The following EYA2 variants were observed in gnomAD, a reference collection of about 807,000 sequenced individuals.
EYA2 encodes the protein EYA transcriptional coactivator and phosphatase 2, also known as protein phosphatase EYA2.
A neutral mutation model predicts 69.2 loss-of-function variants in EYA2; 31 were observed. That is an observed-to-expected ratio of 0.45 (90% CI 0.34 to 0.60). The LOEUF is 0.60. EYA2 is among the 20% of genes least tolerant of loss of function. EYA2 has a pLI of 0.02. For missense variants in EYA2, 622 were observed against 701.2 expected, an observed-to-expected ratio of 0.89 and a Z score of 1.28; for synonymous variants, 257 against 279.4, an observed-to-expected ratio of 0.92 and a Z score of 0.80.
intron 3 of EYA2, 38 bp downstream of exon 3, chr20:47,001,511 C>T (rs762166875): frequency 1.3e-5 from 21 of 1,606,448 alleles, no homozygotes; most frequent in Non-Finnish European, 1.7e-5. Flanking sequence ...CACATGCCCA[C>T]CTTTTCTTCT....
intron 4 of EYA2, among the ~76,000 whole-genome samples, chr20:47,011,970 G>C (rs1187795365): frequency 2.0e-5 from 3 of 152,106 alleles, no homozygotes; most frequent in Non-Finnish European, 4.4e-5. Context: ...TACCCAAAAA[G>C]TATTTTGTAT....
intron 8 of EYA2, chr20:47,096,173 A>G (rs751468181): frequency 9.9e-5 from 15 of 152,230 alleles, no homozygotes; most frequent in African/African-American, 3.4e-4. Flanking sequence ...AATACATACA[A>G]TGGTAGGGGC....
At chr20:46,899,011 C>T (rs1983958186) in intron 1 of EYA2, among the ~76,000 whole-genome samples, 1 of 152,122 alleles carries the variant, frequency 6.6e-6, no homozygotes, top group South Asian at 2.1e-4. Flanking sequence ...AACTGGTATA[C>T]CAGGCCTGCA....
chr20:47,176,769 G>C (rs2034434325), intron 12 of EYA2, among the ~76,000 whole-genome samples: 1 of 150,618 alleles, frequency 6.6e-6, no homozygotes, highest in Non-Finnish European at 1.5e-5. Flanking sequence ...ACAGTGTTAT[G>C]AGCCCAGGAT....
intron 1 of EYA2, among the ~76,000 whole-genome samples, chr20:46,977,135 A>G (rs1448316526): frequency 7.2e-5 from 11 of 152,242 alleles, no homozygotes; most frequent in Non-Finnish European, 1.3e-4. Flanking sequence ...CACAAAACAC[A>G]TTTGTAAAAA....
intron 5 of EYA2, among the ~76,000 whole-genome samples, chr20:47,065,719 TA>T: frequency 6.6e-6 from 1 of 152,228 alleles, no homozygotes. Context: ...AGACTGGTAA[TA>T]AACACAGTGG....
In EYA2 at chr20:47,104,190, A is replaced by G. The variant is rs1312503765; in HGVS notation, c.888+7022A>G. Among the ~76,000 whole-genome samples the G allele has an allele frequency of 2.0e-5, 3 of 152,202 alleles. No homozygotes were observed. The East Asian group carries it at 5.8e-4, about 29-fold the overall frequency. On this transcript the variant is annotated intron_variant, in intron 9 of 15. Coordinates refer to ENST00000327619, the MANE Select transcript of EYA2 (RefSeq NM_005244.5). ...GATTGGCATTTCCCTAATAATGTTG[A>G]CAAGTGACTAGTGATGTTTTTATGT...
intron 4 of EYA2, among the ~76,000 whole-genome samples, chr20:47,006,339 A>G (rs1982712678): frequency 6.6e-6 from 1 of 152,238 alleles, no homozygotes; most frequent in African/African-American, 2.4e-5. Flanking sequence ...ACAAAGGAGA[A>G]GGAGGCAGGA....
intron 5 of EYA2, among the ~76,000 whole-genome samples, chr20:47,057,517 C>G (rs550566558): frequency 6.0e-5 from 9 of 150,682 alleles, no homozygotes; most frequent in African/African-American, 9.7e-5. Context: ...ATCACCCCCC[C>G]CCCCCATCTC....
chr20:47,160,461 G>A (rs576988732), intron 10 of EYA2, among the ~76,000 whole-genome samples: 25 of 152,254 alleles, frequency 1.6e-4, no homozygotes, highest in African/African-American at 4.8e-4. Context: ...ATCTAGGTGG[G>A]AGATGATGGT....
intron 10 of EYA2, among the ~76,000 whole-genome samples, chr20:47,148,069 A>AAAAAAAAG (rs1485770073): frequency 6.6e-6 from 1 of 151,684 alleles, no homozygotes; most frequent in African/African-American, 2.4e-5. Flanking sequence ...AAAAAAAAAA[A>AAAAAAAAG]AAAAGAATAA....
At chr20:46,921,687 T>C (rs1985185854) in intron 1 of EYA2, among the ~76,000 whole-genome samples, 1 of 152,194 alleles carries the variant, frequency 6.6e-6, no homozygotes, top group South Asian at 2.1e-4. Flanking sequence ...CCATCTTGCT[T>C]AGGGGAAGCC....
chr20:47,079,550 C>T (rs2031642447), intron 7 of EYA2, among the ~76,000 whole-genome samples: 1 of 152,202 alleles, frequency 6.6e-6, no homozygotes, highest in African/African-American at 2.4e-5. Context: ...AATCCAGGAT[C>T]ATCTCCCCAT....
chr20:47,170,380 C>T (rs2034293383), intron 11 of EYA2, among the ~76,000 whole-genome samples: 1 of 152,090 alleles, frequency 6.6e-6, no homozygotes, highest in South Asian at 2.1e-4. Context: ...GGTGTGGTGG[C>T]TCACGCCTGT....
At chr20:47,069,656 C>T (rs2031238388) in intron 5 of EYA2, among the ~76,000 whole-genome samples, 1 of 124,802 alleles carries the variant, frequency 8.0e-6, no homozygotes, top group African/African-American at 3.7e-5. Context: ...AAATGGATAC[C>T]CCTTCTCCAT....
intron 1 of EYA2, among the ~76,000 whole-genome samples, chr20:46,973,729 A>G (rs1431534632): frequency 1.3e-5 from 2 of 151,964 alleles, no homozygotes; most frequent in African/African-American, 2.4e-5. Context: ...GCTTTTGTAT[A>G]TGTTGGAAAT....
intron 6 of EYA2, among the ~76,000 whole-genome samples, chr20:47,072,635 A>G (rs2031356523): frequency 1.3e-5 from 2 of 152,164 alleles, no homozygotes; most frequent in African/African-American, 4.8e-5. Context: ...CCCAGTGGTG[A>G]GAGCCCAGCA....
intron 15 of EYA2, among the ~76,000 whole-genome samples, chr20:47,187,404 GGTACCACCTGCTGCAA>G (rs1241756137): frequency 6.6e-6 from 1 of 151,878 alleles, no homozygotes; most frequent in Non-Finnish European, 1.5e-5. Context: ...ACTTGAAGCA[GGTACCACCTGCTGCAA>G]AGAAAAGGAA....
At chr20:47,179,292 G>A (rs1194331685) in intron 12 of EYA2, among the ~76,000 whole-genome samples, 1 of 137,606 alleles carries the variant, frequency 7.3e-6, no homozygotes, top group African/African-American at 2.7e-5. Context: ...GTGGATGGGT[G>A]GATGGGTGGG....
Sources: gnomAD v4.1 joint callset for allele counts (sites outside exome capture counted in the v4.1 genomes callset) on GRCh38, gnomAD v4.1.1 for gene constraint, MANE v1.5 for transcripts, NCBI Gene and HGNC (gene_info 2026-07-23, HGNC 2026-07-21) for gene names.